The following ZDHHC13 variants were observed in gnomAD, a reference collection of about 807,000 sequenced individuals.
ZDHHC13 encodes zDHHC palmitoyltransferase 13, also known as palmitoyltransferase ZDHHC13.
In ZDHHC13, 85 loss-of-function variants were observed where a neutral mutation model predicts 86.0. The observed-to-expected ratio is 0.99, with a 90% confidence interval of 0.83 to 1.18. ZDHHC13 has a LOEUF of 1.18. Ranked by LOEUF, ZDHHC13 falls within the 50% of genes most tolerant of loss-of-function variation. ZDHHC13 has a pLI of 0.00. For missense variants in ZDHHC13, 711 were observed against 730.2 expected, an observed-to-expected ratio of 0.97 and a Z score of 0.30; for synonymous variants, 263 against 246.4, an observed-to-expected ratio of 1.07 and a Z score of -0.63.
intron 3 of ZDHHC13, among the ~76,000 whole-genome samples, chr11:19,147,048 A>T (rs1849485748): frequency 6.6e-6 from 1 of 152,176 alleles, no homozygotes; most frequent in Non-Finnish European, 1.5e-5. Context: ...AATCAGTCTT[A>T]TTACCTTATA....
intron 4 of ZDHHC13, among the ~76,000 whole-genome samples, chr11:19,148,409 A>G (rs1444145923): frequency 6.6e-6 from 1 of 152,052 alleles, no homozygotes. Context: ...ACTTTACATG[A>G]AAAATGAACC....
At chr11:19,140,308 T>C (rs533770023) in intron 1 of ZDHHC13, among the ~76,000 whole-genome samples, 42 of 152,238 alleles carry the variant, frequency 2.8e-4, no homozygotes, top group Non-Finnish European at 3.7e-4. Context: ...AAAAGACATA[T>C]GAAAAAATGC....
chr11:19,144,135 T>G (rs1269837130), intron 2 of ZDHHC13, among the ~76,000 whole-genome samples: 1 of 152,208 alleles, frequency 6.6e-6, no homozygotes, highest in Non-Finnish European at 1.5e-5. Flanking sequence ...CTAGAGGCCT[T>G]GGGAACCACT....
At chr11:19,134,637 C>G (rs531234762) in intron 1 of ZDHHC13, among the ~76,000 whole-genome samples, 1 of 150,322 alleles carries the variant, frequency 6.7e-6, no homozygotes, top group East Asian at 2.0e-4. Flanking sequence ...TGTTCTCACT[C>G]ATAAGTGGGA....
chr11:19,117,413 C>A lies in ZDHHC13; in HGVS notation c.27+137C>A. The A allele has an allele frequency of 1.2e-6, 1 of 856,962 alleles. No homozygotes were observed. Among genetic ancestry groups the A allele is most frequent in the Non-Finnish European group, 1.7e-6 (1 of 599,198 alleles). 53.1% of individuals were successfully genotyped at this position (856,962 alleles called of 1,614,324 possible). A position where few individuals can be genotyped will look rare whatever the true frequency, so the allele number is the denominator to read the frequency against. On this transcript the variant is annotated intron_variant, in intron 1 of 16. Coordinates refer to ENST00000446113, the MANE Select transcript of ZDHHC13 (RefSeq NM_019028.3). This position sits in a 1 kb window ranked among gnomAD's most constrained non-coding sequence, Gnocchi z 4.2. ...GGGGCCTAGGTCTGGGAAGCGGGAGCCTGGAAACACCACGAACGATGCTGG... is the reference window on the plus strand; with the variant it reads ...GGGGCCTAGGTCTGGGAAGCGGGAGACTGGAAACACCACGAACGATGCTGG...
chr11:19,170,233 A>C (rs1418469584), intron 14 of ZDHHC13, 178 bp from the exon 15 acceptor site: 1 of 1,404,038 alleles, frequency 7.1e-7, no homozygotes, highest in Non-Finnish European at 9.2e-7. Context: ...TTGAGCCACC[A>C]TTTTGTCATC....
intron 1 of ZDHHC13, among the ~76,000 whole-genome samples, chr11:19,131,179 C>T (rs544618443): frequency 2.6e-5 from 4 of 152,258 alleles, no homozygotes; most frequent in African/African-American, 7.2e-5. Flanking sequence ...CCACCATGCC[C>T]GGCTAATTTT....
At chr11:19,165,566 C>T (rs1565041386) in intron 13 of ZDHHC13, among the ~76,000 whole-genome samples, 1 of 152,124 alleles carries the variant, frequency 6.6e-6, no homozygotes, top group Non-Finnish European at 1.5e-5. Flanking sequence ...CATTGAAATG[C>T]TCCCATCTCC....
Sources: gnomAD v4.1 joint callset for allele counts (sites outside exome capture counted in the v4.1 genomes callset) on GRCh38, gnomAD v4.1.1 for gene constraint, Gnocchi (gnomAD v3.1) non-coding constraint, MANE v1.5 for transcripts, NCBI Gene and HGNC (gene_info 2026-07-23, HGNC 2026-07-21) for gene names.